Variants in MARCHF1 observed in about 807,000 individuals in gnomAD.
MARCHF1 encodes the protein E3 ubiquitin-protein ligase MARCHF1.
Under a neutral mutation model 54.2 loss-of-function variants are expected in MARCHF1, and 40 were observed. That is an observed-to-expected ratio of 0.74 (90% CI 0.57 to 0.96). The LOEUF (loss-of-function observed/expected upper bound fraction) is 0.96, where lower values mean the gene tolerates loss of function less well. Among genes scored for constraint, MARCHF1 ranks in the 40% least tolerant of loss-of-function variants. MARCHF1 has a pLI of 0.00. For missense variants in MARCHF1, 586 were observed against 656.5 expected (o/e 0.89, Z 1.17); for synonymous variants, 236 against 236.3 (o/e 1.00, Z 0.01).
intron 2 of MARCHF1, among the ~76,000 whole-genome samples, chr4:164,090,003 CTT>C (rs1174661428): frequency 4.6e-5 from 7 of 151,238 alleles, no homozygotes; most frequent in East Asian, 1.9e-4. Flanking sequence ...AAAATAATGT[CTT>C]AGAATTCATA....
At chr4:164,346,659 T>C (rs1414341031) in intron 1 of MARCHF1, among the ~76,000 whole-genome samples, 1 of 122,012 alleles carries the variant, frequency 8.2e-6, no homozygotes, top group Non-Finnish European at 1.7e-5. Context: ...TATATATATA[T>C]ATATATATAT....
At chr4:163,757,456 A>G (rs1280501726) in intron 4 of MARCHF1, among the ~76,000 whole-genome samples, 1 of 152,198 alleles carries the variant, frequency 6.6e-6, no homozygotes, top group Non-Finnish European at 1.5e-5. Context: ...TGTTATTCAG[A>G]TCCTCTGCCC....
intron 1 of MARCHF1, among the ~76,000 whole-genome samples, chr4:164,270,517 T>G (rs953685777): frequency 1.3e-5 from 2 of 152,216 alleles, no homozygotes; most frequent in Admixed American, 1.3e-4. Flanking sequence ...TCTTAAAGCA[T>G]GTTACATACT....
intron 9 of MARCHF1, among the ~76,000 whole-genome samples, chr4:163,542,256 A>G (rs898187725): frequency 1.3e-5 from 2 of 152,204 alleles, no homozygotes; most frequent in African/African-American, 4.8e-5. Flanking sequence ...AAGAGGTGGA[A>G]AAGCTTAGGT....
At chr4:163,964,960 A>G (rs1288617425) in intron 3 of MARCHF1, among the ~76,000 whole-genome samples, 7 of 152,058 alleles carry the variant, frequency 4.6e-5, no homozygotes, top group Admixed American at 4.6e-4. Context: ...AAGTAAAATT[A>G]AAGTCAATCG....
intron 1 of MARCHF1, among the ~76,000 whole-genome samples, chr4:164,170,655 T>C (rs572591289): frequency 6.6e-6 from 1 of 152,252 alleles, no homozygotes; most frequent in African/African-American, 2.4e-5. Flanking sequence ...GATATTTCTA[T>C]GATTTTGGTG....
At chr4:163,640,160 TGGG>T in intron 5 of MARCHF1, among the ~76,000 whole-genome samples, 1 of 152,144 alleles carries the variant, frequency 6.6e-6, no homozygotes, top group Non-Finnish European at 1.5e-5. Context: ...GAACAAACTG[TGGG>T]ATCTAGAGTT....
chr4:164,357,059 C>A (rs896296704), intron 1 of MARCHF1, among the ~76,000 whole-genome samples: 5 of 150,796 alleles, frequency 3.3e-5, no homozygotes, highest in Admixed American at 2.0e-4. Context: ...AACAAACCCC[C>A]ACAAGTTTAC....
intron 3 of MARCHF1, among the ~76,000 whole-genome samples, chr4:163,899,373 A>G (rs931317422): frequency 1.3e-5 from 2 of 152,236 alleles, no homozygotes; most frequent in South Asian, 2.1e-4. Context: ...GCAGCACTAT[A>G]TATGATAGAT....
intron 3 of MARCHF1, among the ~76,000 whole-genome samples, chr4:163,900,157 G>A (rs1478263764): frequency 2.0e-5 from 3 of 151,800 alleles, no homozygotes; most frequent in African/African-American, 4.8e-5. Flanking sequence ...ACTGGAATAC[G>A]AACTCAATGA....
intron 1 of MARCHF1, among the ~76,000 whole-genome samples, chr4:164,222,259 G>A (rs1732136830): frequency 6.6e-6 from 1 of 150,430 alleles, no homozygotes; most frequent in Admixed American, 6.6e-5. Context: ...GATATTTTTA[G>A]GATCAACATG....
intron 4 of MARCHF1, among the ~76,000 whole-genome samples, chr4:163,740,861 C>T (rs527434644): frequency 6.6e-6 from 1 of 152,262 alleles, no homozygotes; most frequent in African/African-American, 2.4e-5. Context: ...TACATAGTGG[C>T]AACCACAGGA....
intron 3 of MARCHF1, among the ~76,000 whole-genome samples, chr4:163,896,304 T>C (rs959311861): frequency 3.9e-5 from 6 of 152,206 alleles, no homozygotes; most frequent in Non-Finnish European, 8.8e-5. Flanking sequence ...TTCACCTCTG[T>C]AGCACTGCCT....
chr4:164,134,602 G>A (rs910607872), intron 1 of MARCHF1, among the ~76,000 whole-genome samples: 2 of 151,784 alleles, frequency 1.3e-5, no homozygotes, highest in African/African-American at 4.8e-5. Flanking sequence ...CGTCACACTC[G>A]CCCTCACTCC....
chr4:163,539,507 G>A (rs1738656507), intron 9 of MARCHF1, among the ~76,000 whole-genome samples: 1 of 152,170 alleles, frequency 6.6e-6, no homozygotes. Flanking sequence ...ACACACCTTT[G>A]GCTGATTCAG....
chr4:163,806,936 G>GA (rs1748241966), intron 4 of MARCHF1, among the ~76,000 whole-genome samples: 1 of 151,908 alleles, frequency 6.6e-6, no homozygotes, highest in Admixed American at 6.6e-5. Flanking sequence ...GTAGCAGAAA[G>GA]AAAAAATGTA....
At chr4:163,639,164 A>C (rs1579144897) in intron 5 of MARCHF1, among the ~76,000 whole-genome samples, 1 of 152,202 alleles carries the variant, frequency 6.6e-6, no homozygotes, top group Non-Finnish European at 1.5e-5. Context: ...TAAGATGGTA[A>C]ATTTTACTTT....
At chr4:163,769,759 G>A (rs1266541541) in intron 4 of MARCHF1, among the ~76,000 whole-genome samples, 1 of 152,112 alleles carries the variant, frequency 6.6e-6, no homozygotes, top group Admixed American at 6.6e-5. Context: ...ATGAGTAATT[G>A]CACCATAACC....
At chr4:164,292,744 A>G (rs1388036890) in intron 1 of MARCHF1, among the ~76,000 whole-genome samples, 3 of 152,220 alleles carry the variant, frequency 2.0e-5, no homozygotes, top group Admixed American at 1.3e-4. Context: ...ACAATCAATG[A>G]AAAACAGTAG....
Sources: gnomAD v4.1 joint callset for allele counts (sites outside exome capture counted in the v4.1 genomes callset) on GRCh38, gnomAD v4.1.1 for gene constraint, MANE v1.5 for transcripts, NCBI Gene and HGNC (gene_info 2026-07-23, HGNC 2026-07-21) for gene names.